Variants in RMST observed in about 807,000 individuals in gnomAD.
RMST encodes rhabdomyosarcoma 2 associated transcript.
chr12:97,477,981 T>C (rs1874765479), intron 5 of RMST, among the ~76,000 whole-genome samples: 1 of 152,200 alleles, frequency 6.6e-6, no homozygotes, highest in African/African-American at 2.4e-5. Context: ...GAATCTCAGC[T>C]GTGGTTATAT....
At chr12:97,487,563 G>C (rs1441985285) in intron 5 of RMST, among the ~76,000 whole-genome samples, 1 of 152,142 alleles carries the variant, frequency 6.6e-6, no homozygotes, top group Non-Finnish European at 1.5e-5. Context: ...TGGAGAGAGT[G>C]GGGTATGGAG....
intron 11 of RMST, among the ~76,000 whole-genome samples, chr12:97,537,182 AAG>A (rs998618594): frequency 6.6e-5 from 10 of 151,582 alleles, no homozygotes; most frequent in Middle Eastern, 3.4e-3. Context: ...AATCTTCCCT[AAG>A]AGATGCTAGA....
chr12:97,502,088 A>T (rs1757224190), intron 10 of RMST, among the ~76,000 whole-genome samples: 1 of 152,172 alleles, frequency 6.6e-6, no homozygotes, highest in Non-Finnish European at 1.5e-5. Context: ...AGTCATGTCA[A>T]TGTAGGACTT....
chr12:97,538,804 T>C (rs1277644903), intron 11 of RMST, among the ~76,000 whole-genome samples: 1 of 151,352 alleles, frequency 6.6e-6, no homozygotes, highest in Non-Finnish European at 1.5e-5. Flanking sequence ...GTAATTTGGG[T>C]TCACTAAAAC....
intron 5 of RMST, among the ~76,000 whole-genome samples, chr12:97,486,006 A>G (rs1295519779): frequency 6.6e-6 from 1 of 152,238 alleles, no homozygotes; most frequent in Non-Finnish European, 1.5e-5. Flanking sequence ...ATCAACTTGG[A>G]GATAGGTACG....
chr12:97,492,552 C>T (rs1001558533), exon 6 of RMST: 1 of 153,198 alleles, frequency 6.5e-6, no homozygotes, highest in African/African-American at 2.4e-5. Flanking sequence ...TATAATCAGA[C>T]ATGCCCAAAG....
intron 5 of RMST, among the ~76,000 whole-genome samples, chr12:97,480,091 T>TTTC: frequency 1.1e-5 from 1 of 94,696 alleles, no homozygotes. Context: ...TCTTTTTTCT[T>TTTC]TTTTTTTCTT....
chr12:97,520,298 A>G (rs145345748), intron 10 of RMST, among the ~76,000 whole-genome samples: 2 of 152,162 alleles, frequency 1.3e-5, no homozygotes, highest in Admixed American at 6.5e-5. Flanking sequence ...CTTCCCTCCC[A>G]TGCCTCTGCA....
chr12:97,500,251 A>C, intron 10 of RMST, among the ~76,000 whole-genome samples: 1 of 152,284 alleles, frequency 6.6e-6, no homozygotes, highest in Middle Eastern at 3.4e-3. Context: ...TGCTGCTTTG[A>C]GCCACATCCA....
intron 10 of RMST, among the ~76,000 whole-genome samples, chr12:97,526,583 G>A (rs180826045): frequency 2.0e-5 from 3 of 151,712 alleles, no homozygotes; most frequent in Non-Finnish European, 4.4e-5. Context: ...TAAGCAATGG[G>A]GAAAAAATAA....
At chr12:97,527,082 T>C (rs375111338) in intron 10 of RMST, among the ~76,000 whole-genome samples, 162 of 152,270 alleles carry the variant, frequency 1.1e-3, no homozygotes, top group African/African-American at 3.8e-3. Flanking sequence ...CAGGTATTGA[T>C]TCTACATCTA....
chr12:97,523,568 C>T (rs1038982652), intron 10 of RMST, among the ~76,000 whole-genome samples: 1 of 152,154 alleles, frequency 6.6e-6, no homozygotes, highest in African/African-American at 2.4e-5. Flanking sequence ...TGTATTAAAA[C>T]ATCACACTGT....
chr12:97,516,716 C>T (rs965882471), intron 10 of RMST, among the ~76,000 whole-genome samples: 1 of 151,602 alleles, frequency 6.6e-6, no homozygotes, highest in African/African-American at 2.4e-5. Context: ...TTTTCTGACT[C>T]AAAAGATTTA....
intron 11 of RMST, among the ~76,000 whole-genome samples, chr12:97,536,908 A>G (rs932222406): frequency 6.6e-6 from 1 of 151,498 alleles, no homozygotes; most frequent in East Asian, 1.9e-4. Flanking sequence ...ACTTCACAAC[A>G]ATGAAACTAG....
At chr12:97,470,166 C>T (rs1012189428) in intron 5 of RMST, among the ~76,000 whole-genome samples, 2 of 152,066 alleles carry the variant, frequency 1.3e-5, no homozygotes, top group East Asian at 3.9e-4. Flanking sequence ...TCCCCAAGTT[C>T]TTTTATCTGC....
chr12:97,543,348 T>A (rs1882698576), intron 11 of RMST, among the ~76,000 whole-genome samples: 1 of 152,104 alleles, frequency 6.6e-6, no homozygotes, highest in South Asian at 2.1e-4. Context: ...TTTCCACAGT[T>A]CTCATCACTG....
intron 13 of RMST, among the ~76,000 whole-genome samples, chr12:97,561,473 G>A (rs765842075): frequency 1.3e-5 from 2 of 152,018 alleles, no homozygotes; most frequent in Admixed American, 1.3e-4. Flanking sequence ...AAAAAAGAAC[G>A]TGTCACATCA....
intron 5 of RMST, among the ~76,000 whole-genome samples, chr12:97,469,917 T>C (rs570303546): frequency 7.9e-4 from 120 of 152,276 alleles, no homozygotes; most frequent in Non-Finnish European, 1.3e-3. Flanking sequence ...CAAACCTTTT[T>C]AGATCTCATA....
chr12:97,521,225 T>A (rs1354492541), intron 10 of RMST, among the ~76,000 whole-genome samples: 1 of 152,166 alleles, frequency 6.6e-6, no homozygotes, highest in African/African-American at 2.4e-5. Flanking sequence ...TAACTCTCTA[T>A]GAATCTTCAT....
Sources: allele counts gnomAD v4.1 joint callset (sites outside exome capture counted in the v4.1 genomes callset), GRCh38; gene constraint gnomAD v4.1.1; transcripts MANE v1.5; gene names NCBI Gene and HGNC (gene_info 2026-07-23, HGNC 2026-07-21).